The following DYNC1H1 variants were observed in gnomAD, a reference collection of about 807,000 sequenced individuals.
The protein encoded by DYNC1H1 is dynein cytoplasmic 1 heavy chain 1.
A neutral mutation model predicts 527.1 loss-of-function variants in DYNC1H1; 51 were observed. That is an observed-to-expected ratio of 0.10 (90% CI 0.08 to 0.12). DYNC1H1 has a LOEUF of 0.12. Ranked by LOEUF, DYNC1H1 falls within the 10% of genes least tolerant of loss-of-function variation. The probability of loss-of-function intolerance (pLI) is 1.00; values close to 1 mark genes in which losing one functional copy is unlikely to be tolerated. For missense variants in DYNC1H1, 2,771 were observed against 5,971.8 expected, an observed-to-expected ratio of 0.46 and a Z score of 17.66; for synonymous variants, 2,189 against 2,278.8, an observed-to-expected ratio of 0.96 and a Z score of 1.12.
At position 101,982,051 on chromosome 14, in the gene DYNC1H1, G is replaced by A. The variant is rs574312267; in HGVS notation, c.962-968G>A. Among the ~76,000 whole-genome samples the A allele has an allele frequency of 3.9e-5, 6 of 152,326 alleles. 1 individual carries two copies. The highest frequency in any genetic ancestry group is 1.2e-4 in the African/African-American group (5 of 41,574). On this transcript the variant is annotated intron_variant, in intron 5 of 77. Transcript: ENST00000360184. ...TGTGCAGAAGGAGGCCAGCAGCGGCGAGTGAGCATTACTGCCTGAGCTCTG... is the reference window on the plus strand; with the variant it reads ...TGTGCAGAAGGAGGCCAGCAGCGGCAAGTGAGCATTACTGCCTGAGCTCTG...
In DYNC1H1 at chr14:102,036,453, G is replaced by C. The variant is rs191195831; in HGVS notation, c.10755-36G>C. 2 of 1,611,976 alleles carry C rather than the reference G, an allele frequency of 1.2e-6. No individual in the cohort carries two copies. The highest frequency in any genetic ancestry group is 4.5e-5 in the East Asian group (2 of 44,852). ...CGTGATCCTGTGCTTTCCCCATTCG[G>C]TGTTTCAACCTTCTCTTCTGTGGCC... On this transcript the variant is annotated intron_variant, in intron 56 of 77. Transcript: ENST00000360184. The surrounding 1 kb of genome is among the most constrained non-coding windows in gnomAD (Gnocchi z 5.6).
rs577000800 is a variant in DYNC1H1, at chr14:101,986,502, C to A, written c.2277C>A (p.Arg759=). The A allele has an allele frequency of 3.1e-6, 5 of 1,614,138 alleles. No homozygotes were observed. The highest frequency in any genetic ancestry group is 1.7e-5 in the Admixed American group (1 of 60,012). The stretch of plus-strand genomic sequence containing the variant: ...GGAACCTCAAATGGCTTGGTTTCCG[C>A]GTCCCACTGGCGATTGTGAACAAAG... The part of the protein sequence containing the change: ...EVRNLKWLGF[R]VPLAIVNKAH... The change falls in exon 8 of 78, where the codon CGC becomes CGA. Residue 759 remains arginine, a synonymous_variant. Coordinates refer to ENST00000360184, the MANE Select transcript of DYNC1H1 (RefSeq NM_001376.5). The surrounding 1 kb of genome is among the most constrained non-coding windows in gnomAD (Gnocchi z 8.7).
At chr14:102,050,292 G>T in intron 77 of DYNC1H1, 94 bp downstream of exon 77, 2 of 1,612,114 alleles carry the variant, frequency 1.2e-6, no homozygotes, top group South Asian at 2.2e-5. Context: ...GTTCCACTTG[G>T]AACGGGAAAT....
In DYNC1H1 at chr14:101,965,063, T is replaced by C; in HGVS notation, c.256+116T>C. The C allele has an allele frequency of 8.4e-7, 1 of 1,187,930 alleles. No homozygotes were observed. Among genetic ancestry groups the C allele is most frequent in the Non-Finnish European group, 1.2e-6 (1 of 860,064 alleles). The allele number at this position is 1,187,930 out of a possible 1,614,324, so 73.6% of individuals were successfully genotyped here. ...ATGGGAGGAGCCCGGCAGCTGCAGATGACCCCTGGATGGGCAGAGCCCGGC... is the reference window on the plus strand; with the variant it reads ...ATGGGAGGAGCCCGGCAGCTGCAGACGACCCCTGGATGGGCAGAGCCCGGC... On this transcript the variant is annotated intron_variant, in intron 1 of 77. Transcript: ENST00000360184. The surrounding 1 kb of genome is among the most constrained non-coding windows in gnomAD (Gnocchi z 4.1).
Position 102,004,245 on chromosome 14 carries a change from AAAAT to A in DYNC1H1, c.4884-249_4884-246del, listed in dbSNP as rs58406901. ...GGCGACAGAGCAAGACTCCGTCTCA[AAAAT>A]AAATAAATAAATAAATAAATAAAGT... On this transcript the variant is annotated intron_variant, in intron 23 of 77. Coordinates refer to ENST00000360184, the MANE Select transcript of DYNC1H1 (RefSeq NM_001376.5). Among the ~76,000 whole-genome samples, 49,423 of 151,078 alleles carry A rather than the reference AAAAT, an allele frequency of 0.33. 11,339 individuals are homozygous for A. Among genetic ancestry groups the A allele is most frequent in the African/African-American group, 0.66 (27,042 of 40,772 alleles).
chr14:102,041,379 G>C lies in DYNC1H1; in HGVS notation c.11942-195G>C. Reference sequence around the variant, plus strand: ...TTTGTCCTATGGATACATCCAGGTAGTAAGGTGTTCTCACAGGCGTGTCCA... The same window carrying C: ...TTTGTCCTATGGATACATCCAGGTACTAAGGTGTTCTCACAGGCGTGTCCA... On this transcript the variant is annotated intron_variant, in intron 64 of 77. Transcript: ENST00000360184. The surrounding 1 kb of genome is among the most constrained non-coding windows in gnomAD (Gnocchi z 4.5). 1.3e-6 allele frequency: 1 copy of C among 793,846 alleles called. No homozygotes were observed. Among genetic ancestry groups the C allele is most frequent in the Non-Finnish European group, 2.1e-6 (1 of 472,866 alleles). 49.2% of individuals were successfully genotyped at this position (793,846 alleles called of 1,614,324 possible). A position where few individuals can be genotyped will look rare whatever the true frequency, so the allele number is the denominator to read the frequency against.
Position 102,038,332 on chromosome 14 carries a change from C to T in DYNC1H1, c.10909-128C>T. The T allele has an allele frequency of 6.9e-7, 1 of 1,455,498 alleles. No individual in the cohort carries two copies. Among genetic ancestry groups the T allele is most frequent in the East Asian group, 2.4e-5 (1 of 41,438 alleles). 90.2% of individuals were successfully genotyped at this position (1,455,498 alleles called of 1,614,324 possible). ...TAAGTAGCCACACATAGCTAGTGGC[C>T]ACCACACGCAAGTGGCGGGTGGCTT... On this transcript the variant is annotated intron_variant, in intron 57 of 77. Coordinates refer to ENST00000360184, the MANE Select transcript of DYNC1H1 (RefSeq NM_001376.5). This position sits in a 1 kb window ranked among gnomAD's most constrained non-coding sequence, Gnocchi z 7.2.
chr14:102,014,094 A>G (rs2048291967), intron 34 of DYNC1H1, among the ~76,000 whole-genome samples: 1 of 152,232 alleles, frequency 6.6e-6, no homozygotes, highest in South Asian at 2.1e-4. Context: ...CAGCTGATCC[A>G]GTAGAGTCTA....
chr14:101,965,550 C>T lies in DYNC1H1; in HGVS notation c.256+603C>T, dbSNP rs1223955972. ...AGGCCCACAGAGCGACGGTGCCAGCCCCGGGCCTGCGAGCATCACTGTTGT... is the reference window on the plus strand; with the variant it reads ...AGGCCCACAGAGCGACGGTGCCAGCTCCGGGCCTGCGAGCATCACTGTTGT... On this transcript the variant is annotated intron_variant, in intron 1 of 77. Coordinates refer to ENST00000360184, the MANE Select transcript of DYNC1H1 (RefSeq NM_001376.5). The surrounding 1 kb of genome is among the most constrained non-coding windows in gnomAD (Gnocchi z 4.1). 1.3e-5 allele frequency among the ~76,000 whole-genome samples: 2 copies of T among 152,126 alleles called. No individual in the cohort carries two copies. The highest frequency in any genetic ancestry group is 2.9e-5 in the Non-Finnish European group (2 of 68,024).
chr14:101,986,778 A>C lies in DYNC1H1; in HGVS notation c.2538+15A>C, dbSNP rs1353009141. On this transcript the variant is annotated intron_variant, in intron 8 of 77. Transcript: ENST00000360184. The surrounding 1 kb of genome is among the most constrained non-coding windows in gnomAD (Gnocchi z 8.7). ...TCCAAGAAAAGGTATGCTCTCATGT[A>C]ATCCTCAGGTGTCCTGGTAACGAAT... The C allele has an allele frequency of 6.2e-7, 1 of 1,613,896 alleles. No homozygotes were observed. The highest frequency in any genetic ancestry group is 1.1e-5 in the South Asian group (1 of 91,062).
intron 72 of DYNC1H1, among the ~76,000 whole-genome samples, chr14:102,046,327 G>A (rs980080990): frequency 6.6e-6 from 1 of 152,214 alleles, no homozygotes; most frequent in Admixed American, 6.5e-5. Flanking sequence ...ATGGGAAAAA[G>A]TCACGAAAAG....
At chr14:102,048,107 C>T (rs1033821488) in intron 73 of DYNC1H1, 79 bp downstream of exon 73, 76 of 1,504,938 alleles carry the variant, frequency 5.1e-5, no homozygotes, top group Non-Finnish European at 6.5e-5. Context: ...GTTCCATGGA[C>T]CATTGGTTCC....
chr14:101,991,352 A>G (rs1239845031), intron 10 of DYNC1H1, among the ~76,000 whole-genome samples, 175 bp from the exon 11 acceptor site: 1 of 152,060 alleles, frequency 6.6e-6, no homozygotes, highest in African/African-American at 2.4e-5. Context: ...CATGCCCGTA[A>G]TCCCAGCTAC....
rs1038723335 is a variant in DYNC1H1 at position 101,983,682 on chromosome 14, T to G, written c.1461+73T>G. The stretch of plus-strand genomic sequence containing the variant: ...TGTTTTTTGTTTGGTGTTTTTTTTT[T>G]GTTGTTGTTGTTGAGATGAAGTTTC... On this transcript the variant is annotated intron_variant, in intron 7 of 77. Coordinates refer to ENST00000360184, the MANE Select transcript of DYNC1H1 (RefSeq NM_001376.5). This position sits in a 1 kb window ranked among gnomAD's most constrained non-coding sequence, Gnocchi z 5.3. 1.1e-4 allele frequency: 160 copies of G among 1,402,042 alleles called. No homozygotes were observed. Among genetic ancestry groups the G allele is most frequent in the Middle Eastern group, 2.3e-4 (1 of 4,318 alleles). The allele number at this position is 1,402,042 out of a possible 1,614,324, so 86.9% of individuals were successfully genotyped here.
chr14:102,019,767 ATCT>A (rs1301504918), intron 41 of DYNC1H1, 123 bp from the exon 42 acceptor site: 11 of 1,235,342 alleles, frequency 8.9e-6, no homozygotes, highest in African/African-American at 4.5e-5. Context: ...ATGTCCAGCT[ATCT>A]TCTTAAATAT....
At position 101,983,206 on chromosome 14, in the gene DYNC1H1, A is replaced by G. The variant is rs537306885; in HGVS notation, c.1149A>G (p.Ala383=). The G allele has an allele frequency of 1.9e-6, 3 of 1,614,224 alleles. No homozygotes were observed. Among genetic ancestry groups the G allele is most frequent in the Middle Eastern group, 1.6e-4 (1 of 6,062 alleles). The change falls in exon 6 of 78, where the codon GCA becomes GCG. Residue 383 remains alanine, a synonymous_variant. Coordinates refer to ENST00000360184, the MANE Select transcript of DYNC1H1 (RefSeq NM_001376.5). The surrounding 1 kb of genome is among the most constrained non-coding windows in gnomAD (Gnocchi z 5.3). ...PIQRALRLVE[A]ISRDLSSQLL... ...AGAGGGCACTGCGTTTGGTGGAGGC[A>G]ATTTCAAGAGACTTGAGTTCTCAAT...
chr14:102,012,243 T>C lies in DYNC1H1; in HGVS notation c.6858-71T>C, dbSNP rs2048266348. The C allele has an allele frequency of 6.2e-7, 1 of 1,613,198 alleles. No individual in the cohort carries two copies. The highest frequency in any genetic ancestry group is 8.5e-7 in the Non-Finnish European group (1 of 1,179,382). The stretch of plus-strand genomic sequence containing the variant: ...AAATTAAAGGTCATTTCAGAAACCA[T>C]CATCGGTAAACATGCCTAATGTTAA... On this transcript the variant is annotated intron_variant, in intron 33 of 77. Transcript: ENST00000360184. The surrounding 1 kb of genome is among the most constrained non-coding windows in gnomAD (Gnocchi z 4.9).
rs2048693590 is a variant in DYNC1H1, at chr14:102,044,663, C to T, written c.12971C>T (p.Pro4324Leu). The T allele has an allele frequency of 6.2e-7, 1 of 1,614,094 alleles. No homozygotes were observed. Among genetic ancestry groups the T allele is most frequent in the Non-Finnish European group, 8.5e-7 (1 of 1,180,032 alleles). Residue 4324 changes from proline (P) to leucine (L), a missense_variant, in exon 72 of 78, where the codon CCC becomes CTC. Physicochemically the swap from Pro to Leu is moderately conservative, Grantham distance 98. This residue lies in a region of DYNC1H1 where 195 missense variants were observed against 428.6 expected (regional missense o/e 0.45). Coordinates refer to ENST00000360184, the MANE Select transcript of DYNC1H1 (RefSeq NM_001376.5). This position sits in a 1 kb window ranked among gnomAD's most constrained non-coding sequence, Gnocchi z 7.1. Reference sequence around the variant, plus strand: ...CAGACGCCCTCCTGGCTGGGCCTGCCCAACAACGCCGAGAGAGTCCTCCTT... The same window carrying T: ...CAGACGCCCTCCTGGCTGGGCCTGCTCAACAACGCCGAGAGAGTCCTCCTT... ...DTQTPSWLGL[P>L]NNAERVLLTT...
chr14:102,053,541 C>G lies in DYNC1H1; in HGVS notation c.*2978C>G, dbSNP rs970923149. ...TCGGCTCACTGCAAGCTCCGCCTCC[C>G]AGGTTCACGCCATTCTCCTGCCTCA... On this transcript the variant is annotated 3_prime_UTR_variant, in exon 78 of 78. Transcript: ENST00000360184. 6.6e-6 allele frequency: 1 copy of G among 151,128 alleles called. No individual in the cohort carries two copies. The highest frequency in any genetic ancestry group is 2.4e-5 in the African/African-American group (1 of 40,998). The allele number at this position is 151,128 out of a possible 1,614,324, so 9.4% of individuals were successfully genotyped here. A position where few individuals can be genotyped will look rare whatever the true frequency, so the allele number is the denominator to read the frequency against.
Sources: allele counts gnomAD v4.1 joint callset (sites outside exome capture counted in the v4.1 genomes callset), GRCh38; gene constraint gnomAD v4.1.1; regional missense constraint gnomAD v4.1.1; non-coding constraint Gnocchi (gnomAD v3.1); transcripts MANE v1.5; gene names NCBI Gene and HGNC (gene_info 2026-07-23, HGNC 2026-07-21).